DSCAM: variants seen among roughly 807,000 people sequenced by gnomAD.
The protein encoded by DSCAM is DS cell adhesion molecule.
DSCAM carries 47 observed loss-of-function variants against 217.7 expected under a neutral mutation model. That is an observed-to-expected ratio of 0.22 (90% CI 0.17 to 0.28). The LOEUF is 0.28. DSCAM is among the 10% of genes least tolerant of loss of function. The pLI, the probability that DSCAM is intolerant of heterozygous loss-of-function variation, is 1.00. For missense variants in DSCAM, 2,080 were observed against 2,618.3 expected (o/e 0.79, Z 4.49); for synonymous variants, 1,056 against 1,015.3 (o/e 1.04, Z -0.76).
At chr21:40,458,344 A>G (rs1322197910) in intron 3 of DSCAM, among the ~76,000 whole-genome samples, 4 of 152,146 alleles carry the variant, frequency 2.6e-5, no homozygotes, top group African/African-American at 9.7e-5. Context: ...CTTGAATTAC[A>G]AAGGAAACAA....
intron 3 of DSCAM, among the ~76,000 whole-genome samples, chr21:40,482,722 CTGTT>C (rs1415385213): frequency 2.0e-5 from 3 of 152,144 alleles, no homozygotes; most frequent in Admixed American, 2.0e-4. Context: ...TTGAGTCTCA[CTGTT>C]TATTTTATAT....
intron 20 of DSCAM, among the ~76,000 whole-genome samples, chr21:40,121,769 A>C (rs935882319): frequency 7.1e-6 from 1 of 140,124 alleles, no homozygotes; most frequent in Non-Finnish European, 1.5e-5. Flanking sequence ...GGCTCACGGC[A>C]ACCTCCACCT....
chr21:40,437,379 A>G (rs1197213494), intron 3 of DSCAM, among the ~76,000 whole-genome samples: 3 of 152,232 alleles, frequency 2.0e-5, no homozygotes, highest in Non-Finnish European at 4.4e-5. Flanking sequence ...TAATAATAGT[A>G]ATAACAATAG....
chr21:40,287,973 A>G (rs1044808607), intron 10 of DSCAM, among the ~76,000 whole-genome samples: 1 of 152,198 alleles, frequency 6.6e-6, no homozygotes, highest in Non-Finnish European at 1.5e-5. Context: ...GAGAAATACA[A>G]TCTCAAGAGA....
chr21:40,326,193 A>G (rs1050574220), intron 8 of DSCAM, among the ~76,000 whole-genome samples: 1 of 152,226 alleles, frequency 6.6e-6, no homozygotes, highest in Admixed American at 6.5e-5. Flanking sequence ...TCTTGCATGG[A>G]CAGATGATAA....
chr21:40,334,591 C>T (rs1332113513), intron 8 of DSCAM, among the ~76,000 whole-genome samples: 1 of 152,128 alleles, frequency 6.6e-6, no homozygotes. Flanking sequence ...CTACTTGCCC[C>T]CTTTCCCCGA....
intron 3 of DSCAM, among the ~76,000 whole-genome samples, chr21:40,630,026 C>T (rs1308920884): frequency 6.6e-6 from 1 of 152,090 alleles, no homozygotes; most frequent in Non-Finnish European, 1.5e-5. Context: ...GACCTAGATT[C>T]CCTGGGAGGC....
Position 40,012,679 on chromosome 21 carries a change from C to T in DSCAM, c.*355G>A, listed in dbSNP as rs1036054553. 1.2e-5 allele frequency: 2 copies of T among 160,112 alleles called. No individual in the cohort carries two copies. The highest frequency in any genetic ancestry group is 2.7e-5 in the Non-Finnish European group (2 of 73,514). The allele number at this position is 160,112 out of a possible 1,614,324, so 9.9% of individuals were successfully genotyped here. ...TTCACAAATAGGCTGATTTCCCACC[C>T]ACCCTGTTTTCTTTCTTGCCTCTTG... On this transcript the variant is annotated 3_prime_UTR_variant, in exon 33 of 33. Transcript: ENST00000400454.
intron 3 of DSCAM, among the ~76,000 whole-genome samples, chr21:40,607,580 G>T (rs1052116947): frequency 2.6e-5 from 4 of 152,084 alleles, no homozygotes; most frequent in African/African-American, 9.7e-5. Flanking sequence ...CATGGGAGGG[G>T]CCCGGTGGGA....
At chr21:40,102,401 G>A (rs2089763286) in intron 20 of DSCAM, among the ~76,000 whole-genome samples, 1 of 152,166 alleles carries the variant, frequency 6.6e-6, no homozygotes, top group African/African-American at 2.4e-5. Context: ...TTTTGTCTTT[G>A]TATGTTACTG....
chr21:40,183,425 C>T lies in DSCAM; in HGVS notation c.2779+3706G>A, dbSNP rs535427467. On this transcript the variant is annotated intron_variant, in intron 14 of 32. Transcript: ENST00000400454. ...AGGGACAGCTTCACTGTGCCTGTGC[C>T]CGCTCAGATGACGCCTCTGGTGCTG... 3.6e-4 allele frequency among the ~76,000 whole-genome samples: 55 copies of T among 152,294 alleles called. No homozygotes were observed. The South Asian group carries it at 6.8e-3, about 19-fold the overall frequency.
chr21:40,331,134 A>G (rs567407093), intron 8 of DSCAM, among the ~76,000 whole-genome samples: 7 of 152,366 alleles, frequency 4.6e-5, no homozygotes, highest in Admixed American at 2.0e-4. Flanking sequence ...TAACTCCAGT[A>G]TCTAGAGAGA....
chr21:40,041,633 GC>G (rs912389704), intron 32 of DSCAM, among the ~76,000 whole-genome samples: 1 of 152,098 alleles, frequency 6.6e-6, no homozygotes, highest in African/African-American at 2.4e-5. Flanking sequence ...TATCTGCCAT[GC>G]CTTGCTGACC....
intron 11 of DSCAM, among the ~76,000 whole-genome samples, chr21:40,256,773 A>G (rs1442860645): frequency 6.6e-6 from 1 of 152,240 alleles, no homozygotes; most frequent in Non-Finnish European, 1.5e-5. Context: ...TTGACCAAGC[A>G]TCTGAGTACC....
At chr21:40,437,488 A>C (rs1300140128) in intron 3 of DSCAM, among the ~76,000 whole-genome samples, 2 of 152,194 alleles carry the variant, frequency 1.3e-5, no homozygotes, top group Non-Finnish European at 1.5e-5. Context: ...CTTTATGATT[A>C]TCTCTATTTT....
intron 3 of DSCAM, among the ~76,000 whole-genome samples, chr21:40,424,337 G>T (rs148394318): frequency 2.6e-5 from 4 of 152,232 alleles, no homozygotes; most frequent in African/African-American, 9.6e-5. Context: ...TTCAATATAA[G>T]TGGTGTCCTT....
chr21:40,314,577 A>G (rs1457001057), intron 8 of DSCAM, among the ~76,000 whole-genome samples: 2 of 152,220 alleles, frequency 1.3e-5, no homozygotes, highest in East Asian at 1.9e-4. Flanking sequence ...CTTGCCCCCA[A>G]GTGGCATAAA....
intron 1 of DSCAM, among the ~76,000 whole-genome samples, chr21:40,824,711 C>A (rs1261060922): frequency 6.6e-6 from 1 of 152,020 alleles, no homozygotes; most frequent in African/African-American, 2.4e-5. Context: ...CTCGCCCGGC[C>A]CCTATCCCAT....
chr21:40,123,417 A>G (rs530520569), intron 20 of DSCAM, among the ~76,000 whole-genome samples: 92 of 152,346 alleles, frequency 6.0e-4, no homozygotes, highest in Non-Finnish European at 8.7e-4. Flanking sequence ...TGGAAGAGAC[A>G]TGGCACCTGC....
Sources: gnomAD v4.1 joint callset for allele counts (sites outside exome capture counted in the v4.1 genomes callset) on GRCh38, gnomAD v4.1.1 for gene constraint, MANE v1.5 for transcripts, NCBI Gene and HGNC (gene_info 2026-07-23, HGNC 2026-07-21) for gene names.